SEL1L: variants seen among roughly 807,000 people sequenced by gnomAD.
SEL1L encodes protein sel-1 homolog 1.
Under a neutral mutation model 109.8 loss-of-function variants are expected in SEL1L, and 52 were observed. The ratio of observed to expected loss-of-function variants is 0.47; its 90% CI spans 0.38 to 0.60. The LOEUF (loss-of-function observed/expected upper bound fraction) is 0.60. Ranked by LOEUF, SEL1L falls within the 20% of genes least tolerant of loss-of-function variation. SEL1L has a pLI of 0.00. For synonymous variants in SEL1L, 373 were observed against 339.6 expected (o/e 1.10, Z -1.08); for missense variants, 749 against 962.2 (o/e 0.78, Z 2.93).
In SEL1L at chr14:81,504,195, AC is replaced by A; in HGVS notation, c.614+5del. The A allele has an allele frequency of 6.4e-7, 1 of 1,564,402 alleles. No homozygotes were observed. The highest frequency in any genetic ancestry group is 8.7e-7 in the Non-Finnish European group (1 of 1,148,052). On this transcript the variant is annotated splice_donor_5th_base_variant and intron_variant, in intron 5 of 20. Coordinates refer to ENST00000336735, the MANE Select transcript of SEL1L (RefSeq NM_005065.6). Reference sequence around the variant, plus strand: ...GGGGAAAAGTGGACTTAGCAGTGCTACCTACTCTCTTTTTTGGCTTTTCTTA... The same window carrying A: ...GGGGAAAAGTGGACTTAGCAGTGCTACTACTCTCTTTTTTGGCTTTTCTTA...
intron 3 of SEL1L, among the ~76,000 whole-genome samples, chr14:81,514,707 C>T (rs116296077): frequency 0.031 from 4,675 of 152,164 alleles, 250 homozygotes; most frequent in African/African-American, 0.11. Flanking sequence ...AAACCAAAAC[C>T]GCGGGCGGTT....
Position 81,477,029 on chromosome 14 carries a change from C to T in SEL1L, c.2328G>A (p.Gly776=). The change falls in exon 21 of 21, where the codon GGG becomes GGA. Residue 776 remains glycine, a synonymous_variant. Coordinates refer to ENST00000336735, the MANE Select transcript of SEL1L (RefSeq NM_005065.6). ...CCTGCTGGGGTGGAGCTGGCCGTGG[C>T]CCTGGAGGCCTGGGTGCAGGCATGT... ...HQDMPAPRPP[G]PRPAPPQQEG... is the part of the protein sequence containing the mutation. 6.2e-7 allele frequency: 1 copy of T among 1,614,168 alleles called. No individual in the cohort carries two copies. Among genetic ancestry groups the T allele is most frequent in the Non-Finnish European group, 8.5e-7 (1 of 1,180,038 alleles).
In SEL1L at chr14:81,472,373, G is replaced by A. The variant is rs1903035341; in HGVS notation, c.*4599C>T. Reference sequence around the variant, plus strand: ...GTAGGCTTTTTATCCAAGATCCAATGCTTCTGAGCTGGAACATTTTACCTC... The same window carrying A: ...GTAGGCTTTTTATCCAAGATCCAATACTTCTGAGCTGGAACATTTTACCTC... On this transcript the variant is annotated 3_prime_UTR_variant, in exon 21 of 21. Coordinates refer to ENST00000336735, the MANE Select transcript of SEL1L (RefSeq NM_005065.6). 4.7e-6 allele frequency: 1 copy of A among 214,862 alleles called. No homozygotes were observed. Among genetic ancestry groups the A allele is most frequent in the Non-Finnish European group, 9.5e-6 (1 of 105,444 alleles). 13.3% of individuals were successfully genotyped at this position (214,862 alleles called of 1,614,324 possible).
At chr14:81,527,662 A>C (rs1198988005) in intron 2 of SEL1L, 39 bp downstream of exon 2, 1 of 1,459,216 alleles carries the variant, frequency 6.9e-7, no homozygotes, top group Non-Finnish European at 9.3e-7. Flanking sequence ...CTTTTAAATC[A>C]GGCAGCAAAT....
intron 6 of SEL1L, among the ~76,000 whole-genome samples, chr14:81,500,963 T>A (rs1883982901): frequency 6.6e-6 from 1 of 152,170 alleles, no homozygotes; most frequent in Non-Finnish European, 1.5e-5. Context: ...CAAAGGCAGG[T>A]GTGGCAGAGA....
At chr14:81,501,491 A>T (rs551669510) in intron 6 of SEL1L, among the ~76,000 whole-genome samples, 1 of 152,328 alleles carries the variant, frequency 6.6e-6, no homozygotes, top group African/African-American at 2.4e-5. Flanking sequence ...TTGAAAACAA[A>T]GGGGAACAAT....
In SEL1L at chr14:81,511,671, A is replaced by G. The variant is rs565879098; in HGVS notation, c.341-5430T>C. ...TTCTGTTTAATATGATTGCTAGGTT[A>G]AAGGTCGTTCCTTCCCTGCCATCCC... On this transcript the variant is annotated intron_variant, in intron 3 of 20. Transcript: ENST00000336735. Among the ~76,000 whole-genome samples, 4 of 152,362 alleles carry G rather than the reference A, an allele frequency of 2.6e-5. No homozygotes were observed. In the South Asian group the frequency reaches 8.3e-4, roughly 32 times the overall value.
At chr14:81,502,950 C>G in intron 5 of SEL1L, 67 bp from the exon 6 acceptor site, 1 of 1,285,104 alleles carries the variant, frequency 7.8e-7, no homozygotes, top group Non-Finnish European at 1.1e-6. Context: ...TTTTTTTGAT[C>G]TACTAAAACG....
chr14:81,527,793 T>C, intron 1 of SEL1L, 55 bp from the exon 2 acceptor site: 1 of 1,203,774 alleles, frequency 8.3e-7, no homozygotes, highest in East Asian at 2.4e-5. Flanking sequence ...AAATTAGTTA[T>C]TATTAAAAGA....
In SEL1L at chr14:81,475,118, G is replaced by C. The variant is rs1432280535; in HGVS notation, c.*1854C>G. The C allele has an allele frequency of 6.6e-6, 1 of 152,190 alleles. No homozygotes were observed. Among genetic ancestry groups the C allele is most frequent in the Admixed American group, 6.5e-5 (1 of 15,284 alleles). The allele number at this position is 152,190 out of a possible 1,614,324, so 9.4% of individuals were successfully genotyped here. On this transcript the variant is annotated 3_prime_UTR_variant, in exon 21 of 21. Coordinates refer to ENST00000336735, the MANE Select transcript of SEL1L (RefSeq NM_005065.6). ...GATTACACTTATTTTGAAGCGGGGA[G>C]AAGGGACAGTGGTGGAGACACCAAA... is the stretch of plus-strand genomic sequence containing the variant.
intron 19 of SEL1L, among the ~76,000 whole-genome samples, chr14:81,479,985 T>G: frequency 6.6e-6 from 1 of 152,200 alleles, no homozygotes; most frequent in South Asian, 2.1e-4. Flanking sequence ...GCTGTGTAGA[T>G]ATGCTGCATA....
chr14:81,502,813 G>C lies in SEL1L; in HGVS notation c.685C>G (p.Leu229Val). Residue 229 changes from leucine to valine, a missense_variant, in exon 6 of 21, where the codon CTT becomes GTT. Around this residue, in one of 2 missense-constraint regions of SEL1L, gnomAD observed 366 missense variants for 399.8 expected, o/e 0.92. Coordinates refer to ENST00000336735, the MANE Select transcript of SEL1L (RefSeq NM_005065.6). ...TGTGGCAAGTAATCACCAAATAAAA[G>C]AGCATATGACACTCTCTCCAGGGCT... The part of the protein sequence containing the change: ...TKALERVSYA[L>V]LFGDYLPQNI... The C allele has an allele frequency of 2.5e-6, 4 of 1,614,072 alleles. No homozygotes were observed. The highest frequency in any genetic ancestry group is 2.5e-6 in the Non-Finnish European group (3 of 1,179,976).
At chr14:81,528,623 C>G (rs964929279) in intron 1 of SEL1L, among the ~76,000 whole-genome samples, 5 of 152,122 alleles carry the variant, frequency 3.3e-5, no homozygotes, top group Admixed American at 6.5e-5. Context: ...GCGAATCTGT[C>G]AGATCATCTT....
Position 81,486,349 on chromosome 14 carries a change from G to A in SEL1L, c.1738C>T (p.Leu580Phe), listed in dbSNP as rs774331717. Residue 580 changes from leucine to phenylalanine, a missense_variant, in exon 17 of 21, where the codon CTC becomes TTC. Leu to Phe is a conservative substitution (Grantham distance 22). Around this residue, in one of 2 missense-constraint regions of SEL1L, gnomAD observed 383 missense variants for 562.5 expected, o/e 0.68. Coordinates refer to ENST00000336735, the MANE Select transcript of SEL1L (RefSeq NM_005065.6). Reference sequence around the variant, plus strand: ...ACTTCATAGCCCTGTTCAGCCAGGAGGAGGTACTGGATCACTGCAGCATTG... The same window carrying A: ...ACTTCATAGCCCTGTTCAGCCAGGAAGAGGTACTGGATCACTGCAGCATTG... Reference protein sequence around the residue: ...DYNAAVIQYLLLAEQGYEVAQ... With the variant: ...DYNAAVIQYLFLAEQGYEVAQ... The A allele has an allele frequency of 3.1e-6, 5 of 1,614,024 alleles. No homozygotes were observed. In the African/African-American group the frequency reaches 5.3e-5, roughly 17 times the overall value.
At chr14:81,494,117 C>A (rs950136243) in intron 11 of SEL1L, among the ~76,000 whole-genome samples, 1 of 152,196 alleles carries the variant, frequency 6.6e-6, no homozygotes, top group Non-Finnish European at 1.5e-5. Context: ...AACACACTAT[C>A]CAATGCCTGA....
chr14:81,527,027 C>A, intron 2 of SEL1L, 63 bp from the exon 3 acceptor site: 2 of 1,224,964 alleles, frequency 1.6e-6, no homozygotes, highest in South Asian at 1.3e-5. Flanking sequence ...CCTATTTGAC[C>A]GTTATTTTTA....
At chr14:81,500,649 G>A (rs11846082) in intron 6 of SEL1L, among the ~76,000 whole-genome samples, 8,964 of 152,156 alleles carry the variant, frequency 0.059, 885 homozygotes, top group African/African-American at 0.21. Context: ...CAGCCATTAT[G>A]AAGACAACTC....
At chr14:81,515,506 T>A (rs1441854708) in intron 3 of SEL1L, among the ~76,000 whole-genome samples, 2 of 152,042 alleles carry the variant, frequency 1.3e-5, no homozygotes, top group African/African-American at 4.8e-5. Context: ...CAGCAAGCCG[T>A]CCCCAGTATG....
chr14:81,526,725 C>T lies in SEL1L; in HGVS notation c.340+8G>A. ...TAAATCAAAAAGCAAGGAAAATGTCCAGACTACCTGGTTTCCGTACTTTCT... is the reference window on the plus strand; with the variant it reads ...TAAATCAAAAAGCAAGGAAAATGTCTAGACTACCTGGTTTCCGTACTTTCT... On this transcript the variant is annotated splice_region_variant and intron_variant, in intron 3 of 20. Transcript: ENST00000336735. The T allele has an allele frequency of 2.5e-6, 4 of 1,607,512 alleles. No individual in the cohort carries two copies. Among genetic ancestry groups the T allele is most frequent in the Non-Finnish European group, 3.4e-6 (4 of 1,174,610 alleles).
Sources: gnomAD v4.1 joint callset for allele counts (sites outside exome capture counted in the v4.1 genomes callset) on GRCh38, gnomAD v4.1.1 for gene constraint, gnomAD v4.1.1 regional missense constraint, MANE v1.5 for transcripts, NCBI Gene and HGNC (gene_info 2026-07-23, HGNC 2026-07-21) for gene names.